PTPRD: variants seen among roughly 807,000 people sequenced by gnomAD.
PTPRD encodes the protein receptor-type tyrosine-protein phosphatase delta.
Under a neutral mutation model 214.5 loss-of-function variants are expected in PTPRD, and 34 were observed. The ratio of observed to expected loss-of-function variants is 0.16; its 90% CI spans 0.12 to 0.21. The LOEUF (loss-of-function observed/expected upper bound fraction) is 0.21. Among genes scored for constraint, PTPRD ranks in the 10% least tolerant of loss-of-function variants. The probability of loss-of-function intolerance (pLI) is 1.00; values close to 1 mark genes in which losing one functional copy is unlikely to be tolerated. For synonymous variants in PTPRD, 1,128 were observed against 845.7 expected (o/e 1.33, Z -5.79); for missense variants, 2,545 against 2,398.7 (o/e 1.06, Z -1.27).
rs1268910847 is a variant in PTPRD, at chr9:9,947,266, G to C, written c.-471-8656C>G. 1.9e-4 allele frequency among the ~76,000 whole-genome samples: 22 copies of C among 113,024 alleles called. 1 individual carries two copies. The highest frequency in any genetic ancestry group is 7.6e-4 in the African/African-American group (22 of 29,048). The allele number at this position is 113,024 out of a possible 152,430, so 74.1% of individuals were successfully genotyped here. A position where few individuals can be genotyped will look rare whatever the true frequency, so the allele number is the denominator to read the frequency against. On this transcript the variant is annotated intron_variant, in intron 4 of 45. Coordinates refer to ENST00000381196, the MANE Select transcript of PTPRD (RefSeq NM_002839.4). ...TTTTAGATATCCAAATTCTTTTCTA[G>C]TTATACTTAACATGTGCTCTGGAGA...
rs532356007 is a variant in PTPRD at position 8,824,071 on chromosome 9, G to T, written c.-103-90125C>A. 2.0e-5 allele frequency among the ~76,000 whole-genome samples: 3 copies of T among 152,246 alleles called. No homozygotes were observed. In the East Asian group the frequency reaches 5.8e-4, roughly 29 times the overall value. On this transcript the variant is annotated intron_variant, in intron 11 of 45. Transcript: ENST00000381196. ...AAGACAACCAGAGGTCACTCTTGTCGCCACTTTGGTGTTGGTGGGTTTTGG... is the reference window on the plus strand; with the variant it reads ...AAGACAACCAGAGGTCACTCTTGTCTCCACTTTGGTGTTGGTGGGTTTTGG...
chr9:9,948,377 C>T (rs1419902898), intron 4 of PTPRD, among the ~76,000 whole-genome samples: 1 of 151,996 alleles, frequency 6.6e-6, no homozygotes, highest in Non-Finnish European at 1.5e-5. Context: ...ACTCTTCTCC[C>T]AAAATTTGGC....
At chr9:10,205,698 C>T (rs1474460348) in intron 3 of PTPRD, among the ~76,000 whole-genome samples, 1 of 152,130 alleles carries the variant, frequency 6.6e-6, no homozygotes, top group Admixed American at 6.5e-5. Flanking sequence ...AGCCACCATG[C>T]CCGGCCTGCT....
intron 2 of PTPRD, among the ~76,000 whole-genome samples, chr9:10,374,537 T>C (rs988963775): frequency 6.6e-6 from 1 of 151,980 alleles, no homozygotes; most frequent in African/African-American, 2.4e-5. Flanking sequence ...GGAGCCACAC[T>C]CAGATGCCTC....
chr9:8,633,217 A>G lies in PTPRD; in HGVS notation c.352+100T>C, dbSNP rs1312277723. On this transcript the variant is annotated intron_variant, in intron 14 of 45. Transcript: ENST00000381196. ...TTACAAACATTTAACTGAGTTTCCC[A>G]TTTAAGCACCATCACAATGCTAGTC... The G allele has an allele frequency of 2.3e-5, 33 of 1,408,892 alleles. No individual in the cohort carries two copies. The Admixed American group carries it at 5.6e-4, about 24-fold the overall frequency. 87.3% of individuals were successfully genotyped at this position (1,408,892 alleles called of 1,614,324 possible). A position where few individuals can be genotyped will look rare whatever the true frequency, so the allele number is the denominator to read the frequency against.
intron 5 of PTPRD, among the ~76,000 whole-genome samples, chr9:9,771,232 A>T (rs969407134): frequency 1.3e-5 from 2 of 152,214 alleles, no homozygotes; most frequent in Admixed American, 6.5e-5. Context: ...CCAGAGATAC[A>T]CATAGAGTCA....
Position 10,315,332 on chromosome 9 carries a change from G to C in PTPRD, c.-545+25631C>G, listed in dbSNP as rs1013308664. 2.6e-5 allele frequency among the ~76,000 whole-genome samples: 4 copies of C among 151,828 alleles called. 1 individual carries two copies. The highest frequency in any genetic ancestry group is 5.9e-5 in the Non-Finnish European group (4 of 67,914). On this transcript the variant is annotated intron_variant, in intron 3 of 45. Coordinates refer to ENST00000381196, the MANE Select transcript of PTPRD (RefSeq NM_002839.4). ...ATGAGATATATCTAAATCATCAGCA[G>C]AATAAATGTAGTTTATTTTGTAAAC... is the stretch of plus-strand genomic sequence containing the variant.
At chr9:9,058,082 A>T (rs975079267) in intron 10 of PTPRD, among the ~76,000 whole-genome samples, 30 of 152,166 alleles carry the variant, frequency 2.0e-4, no homozygotes, top group African/African-American at 7.0e-4. Context: ...AGGACTCCTT[A>T]AACACTTATT....
rs577325229 is a variant in PTPRD, at chr9:9,868,627, A to T, written c.-368+69880T>A. On this transcript the variant is annotated intron_variant, in intron 5 of 45. Coordinates refer to ENST00000381196, the MANE Select transcript of PTPRD (RefSeq NM_002839.4). ...AAAAAAAAAATCCCTGAGCGGGAGAATACCCTAACGTGCAGTGTAACAGGG... is the reference window on the plus strand; with the variant it reads ...AAAAAAAAAATCCCTGAGCGGGAGATTACCCTAACGTGCAGTGTAACAGGG... Among the ~76,000 whole-genome samples, 3 of 152,198 alleles carry T rather than the reference A, an allele frequency of 2.0e-5. No homozygotes were observed. The East Asian group carries it at 5.8e-4, about 29-fold the overall frequency.
intron 2 of PTPRD, among the ~76,000 whole-genome samples, chr9:10,586,270 G>A (rs551165969): frequency 3.2e-4 from 49 of 152,020 alleles, no homozygotes; most frequent in Admixed American, 5.9e-4. Flanking sequence ...GAACTGTGAG[G>A]ACAAGAGAGA....
In PTPRD at chr9:8,412,863, G is replaced by C. The variant is rs555764907; in HGVS notation, c.4087-8203C>G. ...GGCAGAGACAACAAAAAAGAGCACA[G>C]CTGCATATGGTTCTCACTTTTTGCA... is the stretch of plus-strand genomic sequence containing the variant. On this transcript the variant is annotated intron_variant, in intron 35 of 45. Transcript: ENST00000381196. Among the ~76,000 whole-genome samples the C allele has an allele frequency of 3.7e-4, 57 of 152,248 alleles. No individual in the cohort carries two copies. In the East Asian group the frequency reaches 0.011, roughly 29 times the overall value.
chr9:10,040,495 T>A lies in PTPRD; in HGVS notation c.-544-6705A>T, dbSNP rs1282827465. On this transcript the variant is annotated intron_variant, in intron 3 of 45. Transcript: ENST00000381196. Reference sequence around the variant, plus strand: ...CTGAGTGTGGGATGCAATCACTGCTTATTCACCCTTGTTTTTCCAAATAAC... The same window carrying A: ...CTGAGTGTGGGATGCAATCACTGCTAATTCACCCTTGTTTTTCCAAATAAC... Among the ~76,000 whole-genome samples, 6 of 152,030 alleles carry A rather than the reference T, an allele frequency of 3.9e-5. No individual in the cohort carries two copies. The East Asian group carries it at 1.2e-3, about 29-fold the overall frequency.
intron 14 of PTPRD, among the ~76,000 whole-genome samples, chr9:8,572,276 G>T (rs1048882411): frequency 6.6e-6 from 1 of 151,884 alleles, no homozygotes; most frequent in African/African-American, 2.4e-5. Flanking sequence ...AGCCTCCAAG[G>T]ACTCTTCTAC....
In PTPRD at chr9:10,060,889, C is replaced by T. The variant is rs1281510073; in HGVS notation, c.-544-27099G>A. On this transcript the variant is annotated intron_variant, in intron 3 of 45. Coordinates refer to ENST00000381196, the MANE Select transcript of PTPRD (RefSeq NM_002839.4). Reference sequence around the variant, plus strand: ...CCTTCTTTCCTTCCTTCCTTCCTTCCTTCCTTCCTTCTTTCTTTCTTTCTT... The same window carrying T: ...CCTTCTTTCCTTCCTTCCTTCCTTCTTTCCTTCCTTCTTTCTTTCTTTCTT... Among the ~76,000 whole-genome samples the T allele has an allele frequency of 1.3e-3, 101 of 76,382 alleles. 8 individuals carry two copies. The African/African-American group carries it at 0.017, about 13-fold the overall frequency. 50.1% of individuals were successfully genotyped at this position (76,382 alleles called of 152,430 possible). A position where few individuals can be genotyped will look rare whatever the true frequency, so the allele number is the denominator to read the frequency against.
intron 2 of PTPRD, among the ~76,000 whole-genome samples, chr9:10,444,655 A>C (rs1043947129): frequency 2.0e-5 from 3 of 151,818 alleles, no homozygotes; most frequent in Non-Finnish European, 4.4e-5. Context: ...AATGTAATGA[A>C]AGTGAAATGT....
intron 6 of PTPRD, among the ~76,000 whole-genome samples, chr9:9,751,140 A>C (rs548352271): frequency 2.6e-5 from 4 of 152,184 alleles, no homozygotes; most frequent in Non-Finnish European, 2.9e-5. Context: ...AATTGCTCCT[A>C]GGTGCTATTT....
intron 2 of PTPRD, among the ~76,000 whole-genome samples, chr9:10,392,215 T>C (rs1023831146): frequency 2.6e-5 from 4 of 152,006 alleles, no homozygotes; most frequent in Admixed American, 6.6e-5. Context: ...AAAGATATAA[T>C]CATGCATAAT....
At chr9:9,280,518 T>G (rs1463618526) in intron 9 of PTPRD, among the ~76,000 whole-genome samples, 2 of 151,224 alleles carry the variant, frequency 1.3e-5, no homozygotes, top group African/African-American at 4.8e-5. Flanking sequence ...GAAAACACAT[T>G]ACCATTTATT....
intron 2 of PTPRD, among the ~76,000 whole-genome samples, chr9:10,506,474 A>T (rs2046002985): frequency 6.6e-6 from 1 of 152,180 alleles, no homozygotes; most frequent in Non-Finnish European, 1.5e-5. Flanking sequence ...CTAAAATAGT[A>T]TAATTGGATT....
Sources: gnomAD v4.1 joint callset for allele counts (sites outside exome capture counted in the v4.1 genomes callset) on GRCh38, gnomAD v4.1.1 for gene constraint, MANE v1.5 for transcripts, NCBI Gene and HGNC (gene_info 2026-07-23, HGNC 2026-07-21) for gene names.